The following GSTA4 variants were observed in gnomAD, a reference collection of about 807,000 sequenced individuals.
GSTA4 encodes the protein glutathione S-transferase alpha 4.
GSTA4 carries 15 observed loss-of-function variants against 24.4 expected under a neutral mutation model. The ratio of observed to expected loss-of-function variants is 0.61; its 90% confidence interval spans 0.41 to 0.95. The LOEUF (loss-of-function observed/expected upper bound fraction) is 0.95, where lower values mean the gene tolerates loss of function less well. Among genes scored for constraint, GSTA4 ranks in the 40% least tolerant of loss-of-function variants. The pLI is 0.00. For missense variants in GSTA4, 244 were observed against 262.1 expected (o/e 0.93, Z 0.48); for synonymous variants, 92 against 94.2 (o/e 0.98, Z 0.13).
At chr6:52,985,620 C>T in intron 3 of GSTA4, 37 bp from the exon 4 acceptor site, 1 of 1,608,596 alleles carries the variant, frequency 6.2e-7, no homozygotes, top group Non-Finnish European at 8.5e-7. Flanking sequence ...GTGATCTTTT[C>T]TTCTCTGTCC....
chr6:52,978,523 G>C lies in GSTA4; in HGVS notation c.616C>G (p.Pro206Ala), dbSNP rs559943560. 6.2e-7 allele frequency: 1 copy of C among 1,611,876 alleles called. No individual in the cohort carries two copies. Among genetic ancestry groups the C allele is most frequent in the South Asian group, 1.1e-5 (1 of 90,988 alleles). ...RFLEPGSKKK[P>A]PPDEIYVRTV... Reference sequence around the variant, plus strand: ...CTCACATAAATTTCATCAGGGGGAGGCTTCTTCTTGCTGCCAGGTTCAAGG... The same window carrying C: ...CTCACATAAATTTCATCAGGGGGAGCCTTCTTCTTGCTGCCAGGTTCAAGG... Residue 206 changes from proline to alanine, a missense_variant, in exon 7 of 7, where the codon CCT becomes GCT. Pro to Ala is a conservative substitution (Grantham distance 27). Coordinates refer to ENST00000370963, the MANE Select transcript of GSTA4 (RefSeq NM_001512.4).
intron 2 of GSTA4, 98 bp from the exon 3 acceptor site, chr6:52,987,506 C>G (rs777913160): frequency 1.0e-5 from 7 of 685,758 alleles, no homozygotes; most frequent in African/African-American, 3.6e-5. Context: ...CCAACAGAAA[C>G]AGAGGTCATT....
chr6:52,981,686 C>T (rs971049457), intron 6 of GSTA4, among the ~76,000 whole-genome samples: 1 of 152,048 alleles, frequency 6.6e-6, no homozygotes, highest in East Asian at 1.9e-4. Context: ...GAGTTACAGT[C>T]TGCACATTAG....
intron 5 of GSTA4, 122 bp downstream of exon 5, chr6:52,984,342 C>T (rs1763509207): frequency 2.4e-5 from 21 of 866,370 alleles, no homozygotes; most frequent in South Asian, 1.3e-4. Flanking sequence ...AGTCCATTAG[C>T]GCTTAGGTTA....
At chr6:52,985,664 A>G in intron 3 of GSTA4, 81 bp from the exon 4 acceptor site, 1 of 1,397,398 alleles carries the variant, frequency 7.2e-7, no homozygotes, top group Non-Finnish European at 1.0e-6. Context: ...TGGAATGAAA[A>G]GAAACGGTGG....
rs750836479 is a variant in GSTA4, at chr6:52,994,214, G to A, written c.30C>T (p.Pro10=). The change falls in exon 2 of 7, where the codon CCC becomes CCT. Residue 10 remains proline (P), a synonymous_variant. Transcript: ENST00000370963. ...CGGACTCCATCCGGCCTCTTCCGTT[G>A]GGATAGTGGAGCTTGGGCCTTGCTG... MAARPKLHY[P]NGRGRMESVR... is the part of the protein sequence containing the mutation. 3.1e-6 allele frequency: 5 copies of A among 1,613,334 alleles called. No individual in the cohort carries two copies. The highest frequency in any genetic ancestry group is 3.3e-4 in the Middle Eastern group (2 of 6,078).
chr6:52,981,185 C>T (rs1763446154), intron 6 of GSTA4, among the ~76,000 whole-genome samples: 1 of 151,958 alleles, frequency 6.6e-6, no homozygotes, highest in African/African-American at 2.4e-5. Context: ...TTTTTATTCT[C>T]ATTTTCTGGG....
intron 5 of GSTA4, among the ~76,000 whole-genome samples, chr6:52,983,879 G>T (rs1012123247): frequency 6.6e-6 from 1 of 152,096 alleles, no homozygotes; most frequent in Admixed American, 6.5e-5. Flanking sequence ...TTGCCAAATA[G>T]GTCTTCCCAT....
intron 2 of GSTA4, among the ~76,000 whole-genome samples, chr6:52,992,682 C>T (rs1224402256): frequency 6.6e-6 from 1 of 152,156 alleles, no homozygotes; most frequent in Non-Finnish European, 1.5e-5. Context: ...AAATATCTGA[C>T]CAGTGCTTTT....
chr6:52,982,010 T>G (rs1190018438), intron 6 of GSTA4, among the ~76,000 whole-genome samples: 1 of 152,190 alleles, frequency 6.6e-6, no homozygotes, highest in Non-Finnish European at 1.5e-5. Flanking sequence ...GGCTTAGAAT[T>G]TCCTAACTTG....
intron 2 of GSTA4, among the ~76,000 whole-genome samples, chr6:52,990,058 C>A (rs947141014): frequency 6.6e-6 from 1 of 152,050 alleles, no homozygotes; most frequent in Admixed American, 6.6e-5. Flanking sequence ...AACTGATGCT[C>A]CCAGTTAATG....
chr6:52,986,583 T>C (rs1329712274), intron 3 of GSTA4, among the ~76,000 whole-genome samples: 1 of 152,170 alleles, frequency 6.6e-6, no homozygotes, highest in African/African-American at 2.4e-5. Flanking sequence ...TACCAAACCC[T>C]GGGGAGAGAT....
At chr6:52,988,283 T>TAAAAAAAAAA (rs5876296) in intron 2 of GSTA4, among the ~76,000 whole-genome samples, 1 of 146,806 alleles carries the variant, frequency 6.8e-6, no homozygotes, top group Non-Finnish European at 1.5e-5. Flanking sequence ...ATGATGATGC[T>TAAAAAAAAAA]AAAAAAAAAA....
At chr6:52,981,644 T>C (rs1161417753) in intron 6 of GSTA4, among the ~76,000 whole-genome samples, 1 of 152,208 alleles carries the variant, frequency 6.6e-6, no homozygotes, top group East Asian at 1.9e-4. Context: ...ACAAGCTGTA[T>C]AAAAACAGGT....
chr6:52,982,464 A>G, intron 6 of GSTA4, 110 bp downstream of exon 6: 2 of 625,870 alleles, frequency 3.2e-6, no homozygotes, highest in Non-Finnish European at 5.1e-6. Flanking sequence ...GAATCTTAAA[A>G]ATATTACACA....
At chr6:52,979,688 C>T (rs201673146) in intron 6 of GSTA4, among the ~76,000 whole-genome samples, 3 of 29,908 alleles carry the variant, frequency 1.0e-4, no homozygotes, top group African/African-American at 2.8e-4. Flanking sequence ...TAAATAGCTA[C>T]TATTTATTAA....
chr6:52,979,674 AT>A (rs1201071219), intron 6 of GSTA4, among the ~76,000 whole-genome samples: 4 of 109,768 alleles, frequency 3.6e-5, no homozygotes, highest in Admixed American at 1.7e-4. Flanking sequence ...TGAAGAGGTC[AT>A]TTTAAATAGC....
chr6:52,984,340 A>C, intron 5 of GSTA4, 124 bp downstream of exon 5: 1 of 840,718 alleles, frequency 1.2e-6, no homozygotes, highest in Non-Finnish European at 1.9e-6. Context: ...GGAGTCCATT[A>C]GCGCTTAGGT....
rs547378707 is a variant in GSTA4, at chr6:52,979,347, T to C, written c.547-755A>G. On this transcript the variant is annotated intron_variant, in intron 6 of 6. Coordinates refer to ENST00000370963, the MANE Select transcript of GSTA4 (RefSeq NM_001512.4). ...TCACTAGATGGTACAATTTATATCTTAAGATTCAGCTTCTTCAGAGTTTTT... is the reference window on the plus strand; with the variant it reads ...TCACTAGATGGTACAATTTATATCTCAAGATTCAGCTTCTTCAGAGTTTTT... Among the ~76,000 whole-genome samples, 5 of 152,368 alleles carry C rather than the reference T, an allele frequency of 3.3e-5. No individual in the cohort carries two copies. In the South Asian group the frequency reaches 1.0e-3, roughly 32 times the overall value.
Sources: allele counts gnomAD v4.1 joint callset (sites outside exome capture counted in the v4.1 genomes callset), GRCh38; gene constraint gnomAD v4.1.1; transcripts MANE v1.5; gene names NCBI Gene and HGNC (gene_info 2026-07-23, HGNC 2026-07-21).